The following TBC1D4 variants were observed in gnomAD, a reference collection of about 807,000 sequenced individuals.
The protein encoded by TBC1D4 is TBC1 domain family member 4.
Under a neutral mutation model 142.5 loss-of-function variants are expected in TBC1D4, and 121 were observed. The ratio of observed to expected loss-of-function variants is 0.85; its 90% CI spans 0.73 to 0.99. The LOEUF (loss-of-function observed/expected upper bound fraction) is 0.99. TBC1D4 is among the 50% of genes least tolerant of loss of function. TBC1D4 has a pLI of 0.00. For synonymous variants in TBC1D4, 630 were observed against 628.2 expected (o/e 1.00, Z -0.04); for missense variants, 1,475 against 1,606.6 (o/e 0.92, Z 1.40).
chr13:75,390,277 C>CA (rs36168056), intron 1 of TBC1D4, among the ~76,000 whole-genome samples: 1,202 of 112,254 alleles, frequency 0.011, 36 homozygotes, highest in African/African-American at 0.022. Flanking sequence ...GAGACTCCGT[C>CA]AAAAAAAAAA....
intron 1 of TBC1D4, among the ~76,000 whole-genome samples, chr13:75,480,559 AC>A (rs1362547276): frequency 2.0e-5 from 3 of 152,228 alleles, no homozygotes; most frequent in Admixed American, 6.5e-5. Flanking sequence ...AGTGAAAAAA[AC>A]ATTTAAAAAA....
Position 75,351,377 on chromosome 13 carries a change from T to C in TBC1D4, c.1276-2075A>G, listed in dbSNP as rs9543906. Among the ~76,000 whole-genome samples, 30 of 151,792 alleles carry C rather than the reference T, an allele frequency of 2.0e-4. No homozygotes were observed. The South Asian group carries it at 5.6e-3, about 29-fold the overall frequency. On this transcript the variant is annotated intron_variant, in intron 4 of 20. Transcript: ENST00000377636. Reference sequence around the variant, plus strand: ...AAGAATGGCATCAATCCTATTTTTTTGGGGGGGTATATATATACTTATTGT... The same window carrying C: ...AAGAATGGCATCAATCCTATTTTTTCGGGGGGGTATATATATACTTATTGT...
At chr13:75,364,307 A>G (rs1882769778) in intron 1 of TBC1D4, among the ~76,000 whole-genome samples, 1 of 152,228 alleles carries the variant, frequency 6.6e-6, no homozygotes, top group Non-Finnish European at 1.5e-5. Flanking sequence ...CATCCATTTA[A>G]TATTTTCGGA....
At chr13:75,444,175 G>T (rs145653064) in intron 1 of TBC1D4, among the ~76,000 whole-genome samples, 1 of 152,142 alleles carries the variant, frequency 6.6e-6, no homozygotes, top group East Asian at 1.9e-4. Context: ...AAAGCGGAGC[G>T]CAGTCAGGTG....
Position 75,362,677 on chromosome 13 carries a change from T to G in TBC1D4, c.499-70A>C. 1 of 1,500,782 alleles carries G rather than the reference T, an allele frequency of 6.7e-7. No individual in the cohort carries two copies. Among genetic ancestry groups the G allele is most frequent in the South Asian group, 1.1e-5 (1 of 88,246 alleles). The allele number at this position is 1,500,782 out of a possible 1,614,324, so 93.0% of individuals were successfully genotyped here. Reference sequence around the variant, plus strand: ...GACAATTTACATTTACCTAGCCCAATTATTACCACATGGAATGTATTTTCA... The same window carrying G: ...GACAATTTACATTTACCTAGCCCAAGTATTACCACATGGAATGTATTTTCA... On this transcript the variant is annotated intron_variant, in intron 1 of 20. Coordinates refer to ENST00000377636, the MANE Select transcript of TBC1D4 (RefSeq NM_014832.5). This position sits in a 1 kb window ranked among gnomAD's most constrained non-coding sequence, Gnocchi z 4.2.
chr13:75,427,753 C>A (rs1408523364), intron 1 of TBC1D4, among the ~76,000 whole-genome samples: 1 of 152,206 alleles, frequency 6.6e-6, no homozygotes, highest in African/African-American at 2.4e-5. Flanking sequence ...GGTCACTGAT[C>A]TTTGCATCCT....
intron 5 of TBC1D4, among the ~76,000 whole-genome samples, chr13:75,346,199 G>A (rs1173990139): frequency 1.3e-5 from 2 of 151,364 alleles, no homozygotes; most frequent in African/African-American, 4.9e-5. Flanking sequence ...TACATGTGCA[G>A]AATGTGCAGG....
Position 75,304,747 on chromosome 13 carries a change from A to T in TBC1D4, c.2752+1566T>A, listed in dbSNP as rs755807783. ...AAAGGGCGGAAGAAAGAGGAGTGAG[A>T]AGAGGATGGAGTGGAAAGAAAGGGA... On this transcript the variant is annotated intron_variant, in intron 15 of 20. Transcript: ENST00000377636. 1.3e-3 allele frequency among the ~76,000 whole-genome samples: 201 copies of T among 152,088 alleles called. 1 individual carries two copies. The highest frequency in any genetic ancestry group is 2.0e-3 in the Admixed American group (31 of 15,272).
chr13:75,290,159 T>C (rs1000692328), intron 19 of TBC1D4, among the ~76,000 whole-genome samples: 9 of 152,116 alleles, frequency 5.9e-5, no homozygotes, highest in Non-Finnish European at 1.3e-4. Context: ...TATGATTTCA[T>C]TTATGTACAA....
intron 7 of TBC1D4, 93 bp downstream of exon 7, chr13:75,341,031 CT>C: frequency 9.3e-7 from 1 of 1,078,568 alleles, no homozygotes; most frequent in Non-Finnish European, 1.4e-6. Context: ...TCTGATAGGA[CT>C]TTAGCCCTAA....
At chr13:75,474,484 G>A (rs376770719) in intron 1 of TBC1D4, among the ~76,000 whole-genome samples, 52 of 151,796 alleles carry the variant, frequency 3.4e-4, no homozygotes, top group African/African-American at 1.1e-3. Context: ...GCGTGAACCC[G>A]GAAGGCGGAG....
intron 1 of TBC1D4, among the ~76,000 whole-genome samples, chr13:75,373,446 T>G (rs1488441745): frequency 2.6e-5 from 4 of 152,020 alleles, no homozygotes; most frequent in Admixed American, 2.6e-4. Flanking sequence ...CACATTCACC[T>G]CTCTCCAAAA....
intron 17 of TBC1D4, among the ~76,000 whole-genome samples, chr13:75,296,423 A>T (rs1159800442): frequency 6.6e-6 from 1 of 152,226 alleles, no homozygotes; most frequent in Non-Finnish European, 1.5e-5. Flanking sequence ...GTGATTATAA[A>T]AAGAAGCAAT....
chr13:75,343,020 T>C (rs1486985982), intron 5 of TBC1D4, among the ~76,000 whole-genome samples: 1 of 152,154 alleles, frequency 6.6e-6, no homozygotes, highest in Non-Finnish European at 1.5e-5. Flanking sequence ...GACAAAGTAA[T>C]TGGCCGAAAA....
At chr13:75,451,248 A>C (rs1404128850) in intron 1 of TBC1D4, among the ~76,000 whole-genome samples, 12 of 152,150 alleles carry the variant, frequency 7.9e-5, no homozygotes, top group African/African-American at 2.9e-4. Context: ...TTAGAGCGAA[A>C]AAAAGTGCCT....
intron 19 of TBC1D4, among the ~76,000 whole-genome samples, chr13:75,289,373 G>A (rs1875036200): frequency 6.6e-6 from 1 of 151,884 alleles, no homozygotes. Flanking sequence ...CTATGCAATT[G>A]AAACATTCTC....
chr13:75,397,657 C>A (rs1821279964), intron 1 of TBC1D4, among the ~76,000 whole-genome samples: 1 of 151,648 alleles, frequency 6.6e-6, no homozygotes, highest in Non-Finnish European at 1.5e-5. Context: ...TTTTGTTTTT[C>A]ATTTGTTTGT....
At chr13:75,288,239 T>C (rs1309714745) in intron 20 of TBC1D4, among the ~76,000 whole-genome samples, 1 of 152,140 alleles carries the variant, frequency 6.6e-6, no homozygotes, top group Non-Finnish European at 1.5e-5. Flanking sequence ...CATTTTAGTC[T>C]AGACAACTCT....
At chr13:75,346,135 G>A (rs1327012614) in intron 5 of TBC1D4, among the ~76,000 whole-genome samples, 1 of 152,178 alleles carries the variant, frequency 6.6e-6, no homozygotes, top group African/African-American at 2.4e-5. Flanking sequence ...CAACTTTTCT[G>A]TAAATCTAAA....
Sources: allele counts gnomAD v4.1 joint callset (sites outside exome capture counted in the v4.1 genomes callset), GRCh38; gene constraint gnomAD v4.1.1; non-coding constraint Gnocchi (gnomAD v3.1); transcripts MANE v1.5; gene names NCBI Gene and HGNC (gene_info 2026-07-23, HGNC 2026-07-21).